Variants in MICAL3 observed in about 807,000 individuals in gnomAD.
MICAL3 encodes microtubule associated monooxygenase, calponin and LIM domain containing 3.
In MICAL3, 62 loss-of-function variants were observed where a neutral mutation model predicts 207.4. The observed-to-expected ratio is 0.30, with a 90% CI of 0.24 to 0.37. The LOEUF (loss-of-function observed/expected upper bound fraction) is 0.37, where lower values mean the gene tolerates loss of function less well. MICAL3 is among the 10% of genes least tolerant of loss of function. MICAL3 has a pLI of 1.00. For synonymous variants in MICAL3, 1,077 were observed against 1,069.3 expected, an observed-to-expected ratio of 1.01 and a Z score of -0.14; for missense variants, 2,368 against 2,635.6, an observed-to-expected ratio of 0.90 and a Z score of 2.22.
intron 16 of MICAL3, among the ~76,000 whole-genome samples, chr22:17,873,241 G>A (rs946955258): frequency 1.3e-5 from 2 of 152,230 alleles, no homozygotes; most frequent in Admixed American, 6.5e-5. Flanking sequence ...GAACTCGAGG[G>A]GCACCCCCAT....
chr22:17,923,461 T>C (rs1297098782), intron 1 of MICAL3, among the ~76,000 whole-genome samples: 2 of 152,198 alleles, frequency 1.3e-5, no homozygotes, highest in African/African-American at 4.8e-5. Context: ...CCAATAAGAT[T>C]AGCCAGTGTA....
intron 10 of MICAL3, among the ~76,000 whole-genome samples, chr22:17,894,578 C>A (rs978960076): frequency 5.7e-4 from 86 of 151,700 alleles, no homozygotes; most frequent in African/African-American, 2.0e-3. Flanking sequence ...GTGGGCAGAT[C>A]ACAAGGTCAG....
intron 1 of MICAL3, among the ~76,000 whole-genome samples, chr22:17,967,907 G>A (rs560670878): frequency 3.9e-5 from 6 of 152,070 alleles, no homozygotes; most frequent in Non-Finnish European, 8.8e-5. Context: ...GCCAGGCGTG[G>A]TCACGCACAC....
chr22:17,892,792 G>C (rs527471741), intron 11 of MICAL3, among the ~76,000 whole-genome samples: 1 of 152,172 alleles, frequency 6.6e-6, no homozygotes, highest in Admixed American at 6.5e-5. Context: ...CCAATGGCAC[G>C]TCAAATTCAC....
intron 1 of MICAL3, among the ~76,000 whole-genome samples, chr22:18,013,016 C>A (rs150568698): frequency 6.6e-6 from 1 of 152,290 alleles, no homozygotes; most frequent in Non-Finnish European, 1.5e-5. Context: ...AGGCACCTTG[C>A]TCTCCATCCA....
intron 16 of MICAL3, chr22:17,876,905 G>A (rs866860263): frequency 2.4e-4 from 32 of 133,526 alleles, no homozygotes; most frequent in African/African-American, 7.3e-4. Flanking sequence ...AGGTTAGGGA[G>A]GTTAGGGAGG....
intron 11 of MICAL3, among the ~76,000 whole-genome samples, 160 bp downstream of exon 11, chr22:17,893,648 C>T (rs1389163365): frequency 2.6e-5 from 4 of 152,196 alleles, no homozygotes; most frequent in Non-Finnish European, 4.4e-5. Flanking sequence ...CAGACAACTA[C>T]CAAGTATCCC....
At chr22:18,017,210 G>T (rs114263328) in intron 1 of MICAL3, among the ~76,000 whole-genome samples, 1,543 of 148,908 alleles carry the variant, frequency 0.01, 30 homozygotes, top group African/African-American at 0.034. Flanking sequence ...TTTAACAGAG[G>T]TTAACTTTTT....
rs544703337 is a variant in MICAL3 at position 17,941,187 on chromosome 22, T to G, written c.-74-34301A>C. Among the ~76,000 whole-genome samples the G allele has an allele frequency of 3.1e-4, 47 of 152,252 alleles. No homozygotes were observed. The South Asian group carries it at 9.5e-3, about 31-fold the overall frequency. On this transcript the variant is annotated intron_variant, in intron 1 of 31. Transcript: ENST00000441493. ...ATAACAAGTCTTCACTCAGAACTGC[T>G]CCACATCATTTTTCTCAGCCTGCAT...
chr22:17,814,456 ATC>A (rs1420831766), intron 27 of MICAL3: 7 of 152,276 alleles, frequency 4.6e-5, no homozygotes, highest in African/African-American at 1.7e-4. Flanking sequence ...CAGTGCCTTT[ATC>A]ACTTGCAAGG....
intron 29 of MICAL3, among the ~76,000 whole-genome samples, chr22:17,795,409 C>T (rs550554780): frequency 1.2e-4 from 18 of 152,194 alleles, no homozygotes; most frequent in Non-Finnish European, 2.1e-4. Flanking sequence ...AGCGGAACAG[C>T]GCCCATGTGA....
At chr22:17,952,360 G>A (rs1934389737) in intron 1 of MICAL3, among the ~76,000 whole-genome samples, 1 of 152,066 alleles carries the variant, frequency 6.6e-6, no homozygotes. Context: ...AAGGAAATCC[G>A]CAGCATCCAG....
intron 1 of MICAL3, among the ~76,000 whole-genome samples, chr22:17,941,868 A>C (rs953407638): frequency 1.7e-4 from 26 of 152,086 alleles, no homozygotes; most frequent in Non-Finnish European, 2.9e-4. Flanking sequence ...CCCCATTCTA[A>C]AGTGCCTCCA....
intron 20 of MICAL3, among the ~76,000 whole-genome samples, chr22:17,836,567 G>A (rs1472039475): frequency 6.6e-6 from 1 of 152,042 alleles, no homozygotes; most frequent in East Asian, 1.9e-4. Flanking sequence ...TGCAACCTGA[G>A]AAGTGCAGAC....
intron 16 of MICAL3, among the ~76,000 whole-genome samples, chr22:17,873,021 G>A (rs984613625): frequency 5.3e-5 from 8 of 152,340 alleles, no homozygotes; most frequent in East Asian, 1.9e-4. Context: ...CAGGGAAACC[G>A]GGTGGAAGAA....
intron 19 of MICAL3, chr22:17,861,071 G>A (rs2146128332): frequency 1.0e-6 from 1 of 985,408 alleles, no homozygotes; most frequent in East Asian, 1.1e-4. Flanking sequence ...GAGGTAAGCT[G>A]GATTGTAGAA....
intron 29 of MICAL3, among the ~76,000 whole-genome samples, chr22:17,804,525 G>A (rs2061971033): frequency 6.6e-6 from 1 of 152,218 alleles, no homozygotes; most frequent in Non-Finnish European, 1.5e-5. Context: ...TCTTCCCCCA[G>A]GCACTCGGCC....
chr22:17,960,136 G>A (rs1310317254), intron 1 of MICAL3, among the ~76,000 whole-genome samples: 1 of 152,126 alleles, frequency 6.6e-6, no homozygotes, highest in Non-Finnish European at 1.5e-5. Context: ...GGCTGAGCGC[G>A]GCTGTGGCTC....
In MICAL3 at chr22:17,879,261, T is replaced by C. The variant is rs886627953; in HGVS notation, c.2241+6617A>G. On this transcript the variant is annotated intron_variant, in intron 16 of 31. Coordinates refer to ENST00000441493, the MANE Select transcript of MICAL3 (RefSeq NM_015241.3). ...AGCAAGGGGAGGGGGCCGTCCCCCA[T>C]ATCCCTTCCCGCTGCCCCACCACCA... The C allele has an allele frequency of 7.5e-6, 9 of 1,206,868 alleles. No homozygotes were observed. In the African/African-American group the frequency reaches 1.4e-4, roughly 18 times the overall value. The allele number at this position is 1,206,868 out of a possible 1,614,324, so 74.8% of individuals were successfully genotyped here. A position where few individuals can be genotyped will look rare whatever the true frequency, so the allele number is the denominator to read the frequency against.
Sources: gnomAD v4.1 joint callset for allele counts (sites outside exome capture counted in the v4.1 genomes callset) on GRCh38, gnomAD v4.1.1 for gene constraint, MANE v1.5 for transcripts, NCBI Gene and HGNC (gene_info 2026-07-23, HGNC 2026-07-21) for gene names.